MKRN1: variants seen among roughly 807,000 people sequenced by gnomAD.
The protein encoded by MKRN1 is E3 ubiquitin-protein ligase makorin-1.
A neutral mutation model predicts 55.5 loss-of-function variants in MKRN1; 9 were observed. The ratio of observed to expected loss-of-function variants is 0.16; its 90% CI spans 0.10 to 0.28. The LOEUF is 0.28. MKRN1 is among the 10% of genes least tolerant of loss of function. MKRN1 has a pLI of 1.00. For synonymous variants in MKRN1, 253 were observed against 235.9 expected, an observed-to-expected ratio of 1.07 and a Z score of -0.66; for missense variants, 488 against 626.7, an observed-to-expected ratio of 0.78 and a Z score of 2.36.
chr7:140,474,518 C>G, intron 1 of MKRN1: 1 of 273,928 alleles, frequency 3.7e-6, no homozygotes, highest in Non-Finnish European at 7.6e-6. Flanking sequence ...AAATAAAAGG[C>G]TGTAGAAGAC....
At chr7:140,464,630 G>A (rs1298901287) in intron 2 of MKRN1, among the ~76,000 whole-genome samples, 3 of 151,710 alleles carry the variant, frequency 2.0e-5, no homozygotes, top group African/African-American at 7.3e-5. Context: ...GCTTGAACCT[G>A]GGAGGCGGAG....
chr7:140,458,473 G>C (rs1469626589), intron 4 of MKRN1, among the ~76,000 whole-genome samples: 1 of 152,194 alleles, frequency 6.6e-6, no homozygotes, highest in Non-Finnish European at 1.5e-5. Flanking sequence ...AGACAAAGCA[G>C]ATTCGTTATT....
chr7:140,459,094 A>G lies in MKRN1; in HGVS notation c.684T>C (p.Cys228=), dbSNP rs1445679257. 4.3e-6 allele frequency: 7 copies of G among 1,613,904 alleles called. No individual in the cohort carries two copies. Among genetic ancestry groups the G allele is most frequent in the Non-Finnish European group, 8.5e-7 (1 of 1,179,844 alleles). Residue 228 remains cysteine, a synonymous_variant, in exon 4 of 8, where the codon TGT becomes TGC. Transcript: ENST00000255977. ...CACAAGAATCTCCGTGGAGATACAC[A>G]CAGTTCTCCCCGTATCGGCACTCTC... ...AVGECRYGEN[C]VYLHGDSCDM...
chr7:140,473,210 CAA>C (rs534529617), intron 1 of MKRN1: 4,980 of 361,278 alleles, frequency 0.014, no homozygotes, highest in South Asian at 0.018. Context: ...ATGATACCAC[CAA>C]AAAAAAAAAA....
rs755599616 is a variant in MKRN1, at chr7:140,456,691, T to C, written c.947A>G (p.Lys316Arg). Residue 316 changes from lysine (K) to arginine (R), a missense_variant, in exon 5 of 8, where the codon AAG becomes AGG. Physicochemically the swap from Lys to Arg is conservative, Grantham distance 26 (BLOSUM62 2). Transcript: ENST00000255977. ...NHTYCLKCIR[K>R]WRSAKQFESK... ...CTCAAATTGCTTAGCACTCCTCCAC[T>C]TGCGAATGCACTTGAGACAGTAGGT... 6.2e-7 allele frequency: 1 copy of C among 1,614,172 alleles called. No individual in the cohort carries two copies. The highest frequency in any genetic ancestry group is 8.5e-7 in the Non-Finnish European group (1 of 1,180,026).
chr7:140,456,073 G>T (rs1794457953), intron 5 of MKRN1, 173 bp from the exon 6 acceptor site: 2 of 973,552 alleles, frequency 2.1e-6, no homozygotes, highest in African/African-American at 1.7e-5. Flanking sequence ...TTCAAGCAAG[G>T]CAACCTCCTT....
rs182332176 is a variant in MKRN1, at chr7:140,476,517, A to G, written c.185+2643T>C. Among the ~76,000 whole-genome samples the G allele has an allele frequency of 1.1e-3, 167 of 146,348 alleles. 2 individuals are homozygous for G. The East Asian group carries it at 0.031, about 27-fold the overall frequency. On this transcript the variant is annotated intron_variant, in intron 1 of 7. Transcript: ENST00000255977. ...AAGATACACATGTGTTCTGTTAAGT[A>G]CTTTGTCTTTGGTAATTTACAAGTT...
At chr7:140,459,352 A>G (rs1585468119) in intron 3 of MKRN1, 119 bp from the exon 4 acceptor site, 1 of 945,334 alleles carries the variant, frequency 1.1e-6, no homozygotes, top group Non-Finnish European at 1.6e-6. Flanking sequence ...AAAACAGTCT[A>G]CTGAACTAAC....
chr7:140,465,272 G>A (rs1197069176), intron 2 of MKRN1, among the ~76,000 whole-genome samples: 1 of 152,106 alleles, frequency 6.6e-6, no homozygotes, highest in Non-Finnish European at 1.5e-5. Context: ...GCCGAGGCAG[G>A]TGGATTACTT....
At position 140,457,701 on chromosome 7, in the gene MKRN1, AAAAAAT is replaced by A. The variant is rs200204912; in HGVS notation, c.772-841_772-836del. Among the ~76,000 whole-genome samples the A allele has an allele frequency of 6.2e-3, 945 of 152,242 alleles. 6 individuals carry two copies. The highest frequency in any genetic ancestry group is 0.022 in the African/African-American group (897 of 41,528). ...GGACAAAGCAAGACTCTGTCTCAAA[AAAAAAT>A]AAAAATAAAAAAAATAACACTGCAG... On this transcript the variant is annotated intron_variant, in intron 4 of 7. Transcript: ENST00000255977.
intron 4 of MKRN1, among the ~76,000 whole-genome samples, chr7:140,457,167 G>A (rs1435138426): frequency 6.6e-6 from 1 of 152,092 alleles, no homozygotes; most frequent in Non-Finnish European, 1.5e-5. Context: ...CTACATTAAA[G>A]ACGGTTTTCC....
At chr7:140,465,275 G>C (rs965881728) in intron 2 of MKRN1, among the ~76,000 whole-genome samples, 3 of 152,088 alleles carry the variant, frequency 2.0e-5, no homozygotes, top group Non-Finnish European at 4.4e-5. Flanking sequence ...GAGGCAGGTG[G>C]ATTACTTGAG....
Position 140,457,679 on chromosome 7 carries a change from C to A in MKRN1, c.772-813G>T, listed in dbSNP as rs1333620562. Among the ~76,000 whole-genome samples, 3 of 151,226 alleles carry A rather than the reference C, an allele frequency of 2.0e-5. No individual in the cohort carries two copies. In the East Asian group the frequency reaches 5.8e-4, roughly 29 times the overall value. ...CACTGCTACACTCCAGCCTGGGGGA[C>A]AAAGCAAGACTCTGTCTCAAAAAAA... On this transcript the variant is annotated intron_variant, in intron 4 of 7. Coordinates refer to ENST00000255977, the MANE Select transcript of MKRN1 (RefSeq NM_013446.4).
intron 2 of MKRN1, 156 bp from the exon 3 acceptor site, chr7:140,460,092 C>G: frequency 1.5e-6 from 1 of 666,570 alleles, no homozygotes; most frequent in Non-Finnish European, 2.6e-6. Flanking sequence ...CTACCAAAAA[C>G]GCAAAAATTA....
chr7:140,454,679 G>A lies in MKRN1; in HGVS notation c.1287C>T (p.Ser429=). 2.5e-6 allele frequency: 4 copies of A among 1,613,990 alleles called. No individual in the cohort carries two copies. The highest frequency in any genetic ancestry group is 1.3e-5 in the African/African-American group (1 of 75,060). The change falls in exon 8 of 8, where the codon AGC becomes AGT. Residue 429 remains serine (S), a synonymous_variant. Coordinates refer to ENST00000255977, the MANE Select transcript of MKRN1 (RefSeq NM_013446.4). ...CTTCTTCATCGTTGTCAAAGGGGTT[G>A]CTGTTCTCTCTTTCCTCAATGAGTT... The part of the protein sequence containing the change: ...FWELIEEREN[S]NPFDNDEEEV...
chr7:140,474,065 G>GAAAA (rs1048242237), intron 1 of MKRN1, among the ~76,000 whole-genome samples: 113 of 139,430 alleles, frequency 8.1e-4, no homozygotes, highest in Non-Finnish European at 1.3e-3. Flanking sequence ...AAGAAAGAAA[G>GAAAA]AATAAAAGAC....
At chr7:140,474,182 T>C (rs1186769213) in intron 1 of MKRN1, among the ~76,000 whole-genome samples, 1 of 150,620 alleles carries the variant, frequency 6.6e-6, no homozygotes, top group Non-Finnish European at 1.5e-5. Context: ...GCCAACATGG[T>C]GAAACCCACT....
At chr7:140,474,005 A>AAAAG (rs71272543) in intron 1 of MKRN1, among the ~76,000 whole-genome samples, 9,497 of 64,960 alleles carry the variant, frequency 0.15, 713 homozygotes, top group Non-Finnish European at 0.18. Context: ...AAAAAAAAAA[A>AAAAG]AAAGAAAGAA....
intron 1 of MKRN1, 59 bp downstream of exon 1, chr7:140,479,101 C>G: frequency 7.9e-7 from 1 of 1,266,546 alleles, no homozygotes; most frequent in Non-Finnish European, 9.9e-7. Flanking sequence ...CCTCCCGCGC[C>G]GCAGGCTTGG....
Sources: allele counts gnomAD v4.1 joint callset (sites outside exome capture counted in the v4.1 genomes callset), GRCh38; gene constraint gnomAD v4.1.1; transcripts MANE v1.5; gene names NCBI Gene and HGNC (gene_info 2026-07-23, HGNC 2026-07-21).